The following MBOAT1 variants were observed in gnomAD, a reference collection of about 807,000 sequenced individuals.
MBOAT1 encodes the protein membrane bound glycerophospholipid O-acyltransferase 1.
A neutral mutation model predicts 64.4 loss-of-function variants in MBOAT1; 67 were observed. That is an observed-to-expected ratio of 1.04 (90% CI 0.85 to 1.27). The LOEUF is 1.27. MBOAT1 is among the 50% of genes most tolerant of loss of function. The pLI is 0.00. For synonymous variants in MBOAT1, 229 were observed against 218.9 expected, an observed-to-expected ratio of 1.05 and a Z score of -0.41; for missense variants, 563 against 604.6, an observed-to-expected ratio of 0.93 and a Z score of 0.72.
intron 1 of MBOAT1, among the ~76,000 whole-genome samples, chr6:20,200,095 A>G (rs1283330712): frequency 6.6e-6 from 1 of 152,238 alleles, no homozygotes; most frequent in Admixed American, 6.5e-5. Flanking sequence ...CTAATGGACA[A>G]AAAATAGAAG....
At chr6:20,126,847 G>T in intron 6 of MBOAT1, 147 bp from the exon 7 acceptor site, 1 of 687,010 alleles carries the variant, frequency 1.5e-6, no homozygotes, top group Non-Finnish European at 2.4e-6. Context: ...GTCAGCCGAG[G>T]AGAAATCTTG....
chr6:20,159,784 TTAAAAA>T (rs1761796491), intron 1 of MBOAT1, among the ~76,000 whole-genome samples: 1 of 152,208 alleles, frequency 6.6e-6, no homozygotes, highest in Admixed American at 6.5e-5. Flanking sequence ...TATTTGTCAA[TTAAAAA>T]TAAAATAAAA....
intron 3 of MBOAT1, among the ~76,000 whole-genome samples, chr6:20,145,098 C>A (rs1353548598): frequency 1.3e-5 from 2 of 152,200 alleles, no homozygotes; most frequent in African/African-American, 4.8e-5. Flanking sequence ...ATGATTATGT[C>A]TCCCTAAAAT....
At position 20,101,153 on chromosome 6, in the gene MBOAT1, A is replaced by T. The variant is rs994544335; in HGVS notation, c.*1133T>A. Reference sequence around the variant, plus strand: ...CTTCTATATAACTTCAAATTACTTTAAAAAAATTTCCTAAAAGGCATTCTG... The same window carrying T: ...CTTCTATATAACTTCAAATTACTTTTAAAAAATTTCCTAAAAGGCATTCTG... On this transcript the variant is annotated 3_prime_UTR_variant, in exon 13 of 13. Coordinates refer to ENST00000324607, the MANE Select transcript of MBOAT1 (RefSeq NM_001080480.3). Among the ~76,000 whole-genome samples the T allele has an allele frequency of 3.3e-5, 5 of 152,174 alleles. No homozygotes were observed. The highest frequency in any genetic ancestry group is 2.1e-4 in the South Asian group (1 of 4,826).
intron 10 of MBOAT1, 44 bp from the exon 11 acceptor site, chr6:20,113,052 A>G (rs1020051918): frequency 6.3e-7 from 1 of 1,596,484 alleles, no homozygotes. Context: ...AACATACCAG[A>G]AACTTCTAAG....
At chr6:20,203,543 T>G (rs868151281) in intron 1 of MBOAT1, among the ~76,000 whole-genome samples, 3 of 152,212 alleles carry the variant, frequency 2.0e-5, no homozygotes, top group Admixed American at 1.3e-4. Flanking sequence ...AATTTTATCT[T>G]AATTAAGTCA....
chr6:20,168,579 A>AG (rs1762087435), intron 1 of MBOAT1, among the ~76,000 whole-genome samples: 2 of 118,756 alleles, frequency 1.7e-5, no homozygotes, highest in African/African-American at 6.5e-5. Flanking sequence ...GAGAGAGAGA[A>AG]AGAGAGAGAG....
At chr6:20,206,931 G>A (rs1430511370) in intron 1 of MBOAT1, among the ~76,000 whole-genome samples, 2 of 151,814 alleles carry the variant, frequency 1.3e-5, no homozygotes, top group African/African-American at 2.4e-5. Context: ...TGCCCTCCAC[G>A]ACCCACCATC....
At chr6:20,124,909 A>G (rs1393241836) in intron 7 of MBOAT1, among the ~76,000 whole-genome samples, 4 of 152,238 alleles carry the variant, frequency 2.6e-5, no homozygotes, top group Non-Finnish European at 4.4e-5. Context: ...AGAGAAATGG[A>G]TAACAGGGTG....
At chr6:20,164,730 G>A (rs577506817) in intron 1 of MBOAT1, among the ~76,000 whole-genome samples, 1 of 152,186 alleles carries the variant, frequency 6.6e-6, no homozygotes, top group South Asian at 2.1e-4. Flanking sequence ...CGGGAAGAAA[G>A]AGGCAGCTTA....
chr6:20,187,395 C>A (rs190847753), intron 1 of MBOAT1, among the ~76,000 whole-genome samples: 55 of 152,348 alleles, frequency 3.6e-4, no homozygotes, highest in Admixed American at 2.2e-3. Context: ...CCTGCACAAG[C>A]ATCGAAATGG....
At chr6:20,110,144 T>G (rs6918747) in intron 11 of MBOAT1, among the ~76,000 whole-genome samples, 2 of 151,468 alleles carry the variant, frequency 1.3e-5, no homozygotes, top group African/African-American at 4.9e-5. Flanking sequence ...TTCCTGACCT[T>G]GTGATCTGCC....
chr6:20,138,595 T>C (rs977232734), intron 4 of MBOAT1, among the ~76,000 whole-genome samples: 1 of 152,304 alleles, frequency 6.6e-6, no homozygotes, highest in African/African-American at 2.4e-5. Context: ...ACATTCAAAA[T>C]GATGTAGAAA....
intron 1 of MBOAT1, among the ~76,000 whole-genome samples, chr6:20,197,878 T>G (rs998109866): frequency 6.6e-6 from 1 of 151,866 alleles, no homozygotes; most frequent in African/African-American, 2.4e-5. Context: ...CACCTGGCTA[T>G]CTCTACAACT....
chr6:20,209,092 A>C (rs966977229), intron 1 of MBOAT1, among the ~76,000 whole-genome samples: 1 of 152,176 alleles, frequency 6.6e-6, no homozygotes, highest in East Asian at 1.9e-4. Flanking sequence ...ACTTTATCCT[A>C]AGTGAAGGTT....
At chr6:20,124,735 G>A (rs71560116) in intron 7 of MBOAT1, 135 bp from the exon 8 acceptor site, 2 of 720,890 alleles carry the variant, frequency 2.8e-6, no homozygotes, top group Non-Finnish European at 4.6e-6. Flanking sequence ...GTGACAACAG[G>A]CATTCTTCCT....
intron 1 of MBOAT1, among the ~76,000 whole-genome samples, chr6:20,167,634 T>G (rs1762050760): frequency 6.6e-6 from 1 of 152,260 alleles, no homozygotes; most frequent in South Asian, 2.1e-4. Flanking sequence ...TAATCAGTGG[T>G]AATTGAGAAT....
chr6:20,207,301 T>C (rs1763293037), intron 1 of MBOAT1, among the ~76,000 whole-genome samples: 1 of 152,204 alleles, frequency 6.6e-6, no homozygotes, highest in South Asian at 2.1e-4. Context: ...TGAAAATCTT[T>C]TCACAACTTA....
chr6:20,117,417 T>G (rs748872630), intron 9 of MBOAT1, among the ~76,000 whole-genome samples: 5 of 152,168 alleles, frequency 3.3e-5, no homozygotes, highest in Non-Finnish European at 7.3e-5. Flanking sequence ...CCTTTTGAAG[T>G]AGTGCTGTCT....
Sources: allele counts gnomAD v4.1 joint callset (sites outside exome capture counted in the v4.1 genomes callset), GRCh38; gene constraint gnomAD v4.1.1; transcripts MANE v1.5; gene names NCBI Gene and HGNC (gene_info 2026-07-23, HGNC 2026-07-21).